PKHD1: variants seen among roughly 807,000 people sequenced by gnomAD.
PKHD1 encodes the protein PKHD1 ciliary IPT domain containing fibrocystin/polyductin, also known as fibrocystin.
In PKHD1, 291 loss-of-function variants were observed where a neutral mutation model predicts 412.0. That is an observed-to-expected ratio of 0.71 (90% CI 0.64 to 0.78). The LOEUF (loss-of-function observed/expected upper bound fraction) is 0.78. Among genes scored for constraint, PKHD1 ranks in the 30% least tolerant of loss-of-function variants. The pLI is 0.00. For missense variants in PKHD1, 4,825 were observed against 4,950.7 expected (o/e 0.97, Z 0.76); for synonymous variants, 1,777 against 1,821.5 (o/e 0.98, Z 0.62).
chr6:51,888,534 T>C lies in PKHD1; in HGVS notation c.6997-1289A>G, dbSNP rs150418212. Among the ~76,000 whole-genome samples the C allele has an allele frequency of 2.4e-4, 37 of 152,090 alleles. No homozygotes were observed. The East Asian group carries it at 4.3e-3, about 18-fold the overall frequency. ...CAAACCAAGAGATTTAATAAAAAATTCAGACTTTCAGCTTTTCTGAGCCCA... is the reference window on the plus strand; with the variant it reads ...CAAACCAAGAGATTTAATAAAAAATCCAGACTTTCAGCTTTTCTGAGCCCA... On this transcript the variant is annotated intron_variant, in intron 43 of 66. Coordinates refer to ENST00000371117, the MANE Select transcript of PKHD1 (RefSeq NM_138694.4).
intron 16 of PKHD1, 85 bp downstream of exon 16, chr6:52,058,238 G>A (rs1006539937): frequency 2.7e-5 from 37 of 1,361,854 alleles, no homozygotes; most frequent in Middle Eastern, 4.9e-4. Context: ...CCCTCAGGTC[G>A]CCAGACTCCC....
At chr6:51,699,771 C>A (rs1479169298) in intron 60 of PKHD1, among the ~76,000 whole-genome samples, 1 of 151,988 alleles carries the variant, frequency 6.6e-6, no homozygotes, top group East Asian at 1.9e-4. Flanking sequence ...CTTTTTGTAT[C>A]TGTGCTAACT....
chr6:51,640,916 C>G (rs1288159139), intron 63 of PKHD1, among the ~76,000 whole-genome samples: 1 of 151,906 alleles, frequency 6.6e-6, no homozygotes, highest in Non-Finnish European at 1.5e-5. Context: ...GGAGGGTCTA[C>G]TAAAGAAAAA....
In PKHD1 at chr6:51,816,795, G is replaced by T. The variant is rs560889872; in HGVS notation, c.8302+14066C>A. ...TCCATAAATCCTCTGCCACATGGCT[G>T]CACGAGAGCCTCTTTGAGCCTACTG... On this transcript the variant is annotated intron_variant, in intron 52 of 66. Transcript: ENST00000371117. Among the ~76,000 whole-genome samples, 14 of 152,340 alleles carry T rather than the reference G, an allele frequency of 9.2e-5. No individual in the cohort carries two copies. The South Asian group carries it at 2.9e-3, about 32-fold the overall frequency.
chr6:52,032,563 G>C (rs1252000659), intron 29 of PKHD1, among the ~76,000 whole-genome samples: 1 of 152,158 alleles, frequency 6.6e-6, no homozygotes, highest in African/African-American at 2.4e-5. Context: ...GTATTTTACA[G>C]TTAACTACAA....
At chr6:52,005,345 C>T (rs1798917143) in intron 35 of PKHD1, among the ~76,000 whole-genome samples, 1 of 152,194 alleles carries the variant, frequency 6.6e-6, no homozygotes, top group South Asian at 2.1e-4. Context: ...CCTGCTGAAT[C>T]AAAGGACCAA....
At chr6:51,760,289 C>G (rs1787776047) in intron 55 of PKHD1, among the ~76,000 whole-genome samples, 1 of 152,034 alleles carries the variant, frequency 6.6e-6, no homozygotes, top group Non-Finnish European at 1.5e-5. Context: ...TTTATTGGAG[C>G]CCTTCTTTAT....
At chr6:51,841,560 C>T (rs974998005) in intron 50 of PKHD1, among the ~76,000 whole-genome samples, 1 of 152,170 alleles carries the variant, frequency 6.6e-6, no homozygotes, top group Admixed American at 6.5e-5. Flanking sequence ...AGTCAATTCT[C>T]TACATACTGG....
chr6:51,684,634 C>T (rs1244533051), intron 60 of PKHD1, among the ~76,000 whole-genome samples: 1 of 152,030 alleles, frequency 6.6e-6, no homozygotes, highest in African/African-American at 2.4e-5. Context: ...AAGGTTTGCC[C>T]TGCTAGATAT....
chr6:51,896,751 A>G (rs1430794684), intron 43 of PKHD1, among the ~76,000 whole-genome samples: 1 of 151,924 alleles, frequency 6.6e-6, no homozygotes, highest in Admixed American at 6.6e-5. Context: ...AAGGCAAAGA[A>G]GTTGAAAACT....
rs1011541128 is a variant in PKHD1 at position 52,076,261 on chromosome 6, T to C, written c.448+15A>G. 4 of 1,574,264 alleles carry C rather than the reference T, an allele frequency of 2.5e-6. No homozygotes were observed. Among genetic ancestry groups the C allele is most frequent in the Non-Finnish European group, 3.5e-6 (4 of 1,143,794 alleles). Reference sequence around the variant, plus strand: ...AGATTCACAATTATTCCTATTTTAATAGAAGATTTCTTACCTGGAACACCA... The same window carrying C: ...AGATTCACAATTATTCCTATTTTAACAGAAGATTTCTTACCTGGAACACCA... On this transcript the variant is annotated intron_variant, in intron 6 of 66. Coordinates refer to ENST00000371117, the MANE Select transcript of PKHD1 (RefSeq NM_138694.4).
chr6:51,826,112 C>T (rs1767263056), intron 52 of PKHD1, among the ~76,000 whole-genome samples: 1 of 152,120 alleles, frequency 6.6e-6, no homozygotes, highest in South Asian at 2.1e-4. Context: ...TCAAAAATTA[C>T]TTTCTGATTT....
chr6:51,649,460 C>T (rs1770590213), intron 61 of PKHD1, among the ~76,000 whole-genome samples: 1 of 151,966 alleles, frequency 6.6e-6, no homozygotes, highest in Non-Finnish European at 1.5e-5. Flanking sequence ...AAATTATGAG[C>T]ATATATTTTT....
At chr6:51,948,424 CA>C (rs1261322252) in intron 36 of PKHD1, among the ~76,000 whole-genome samples, 2 of 152,178 alleles carry the variant, frequency 1.3e-5, no homozygotes, top group African/African-American at 4.8e-5. Flanking sequence ...CGCTGTGTGC[CA>C]ATATCCCCAA....
rs558626040 is a variant in PKHD1 at position 51,862,465 on chromosome 6, G to C, written c.7733+5398C>G. 5.3e-5 allele frequency among the ~76,000 whole-genome samples: 8 copies of C among 152,174 alleles called. No individual in the cohort carries two copies. In the South Asian group the frequency reaches 8.3e-4, roughly 16 times the overall value. ...ATCTTTGAATTTTCTTGTCTCACAG[G>C]GTTGTTTTTTAAGGACTGAAAAGAT... is the stretch of plus-strand genomic sequence containing the variant. On this transcript the variant is annotated intron_variant, in intron 48 of 66. Coordinates refer to ENST00000371117, the MANE Select transcript of PKHD1 (RefSeq NM_138694.4).
intron 60 of PKHD1, among the ~76,000 whole-genome samples, chr6:51,733,306 C>T (rs1029339880): frequency 5.9e-5 from 9 of 151,994 alleles, no homozygotes; most frequent in East Asian, 3.9e-4. Context: ...TTTGGGAGAA[C>T]GAGATGGGCG....
chr6:51,900,336 G>A (rs1164254847), intron 43 of PKHD1, among the ~76,000 whole-genome samples: 1 of 152,132 alleles, frequency 6.6e-6, no homozygotes, highest in Non-Finnish European at 1.5e-5. Flanking sequence ...TAGATCAATG[G>A]AACAGAACAG....
intron 6 of PKHD1, among the ~76,000 whole-genome samples, chr6:52,074,882 G>A (rs568043197): frequency 4.6e-5 from 7 of 152,256 alleles, no homozygotes; most frequent in African/African-American, 1.4e-4. Flanking sequence ...AACCCAGCCC[G>A]CCACCAATCC....
chr6:51,960,717 A>G (rs757886003), intron 35 of PKHD1, among the ~76,000 whole-genome samples: 12 of 152,148 alleles, frequency 7.9e-5, no homozygotes, highest in Admixed American at 6.5e-4. Flanking sequence ...TGACAAGTAA[A>G]TAGTCTGGAA....
Sources: allele counts gnomAD v4.1 joint callset (sites outside exome capture counted in the v4.1 genomes callset), GRCh38; gene constraint gnomAD v4.1.1; transcripts MANE v1.5; gene names NCBI Gene and HGNC (gene_info 2026-07-23, HGNC 2026-07-21).